The following MITF variants were observed in gnomAD, a reference collection of about 807,000 sequenced individuals.
MITF encodes microphthalmia-associated transcription factor.
Under a neutral mutation model 60.5 loss-of-function variants are expected in MITF, and 17 were observed. That is an observed-to-expected ratio of 0.28 (90% CI 0.19 to 0.42). The LOEUF is 0.42. Ranked by LOEUF, MITF falls within the 10% of genes least tolerant of loss-of-function variation. MITF has a pLI of 1.00. For synonymous variants in MITF, 260 were observed against 248.5 expected (o/e 1.05, Z -0.43); for missense variants, 622 against 683.5 (o/e 0.91, Z 1.00).
rs563717895 is a variant in MITF at position 69,898,804 on chromosome 3, G to C, written c.354+19421G>C. The stretch of plus-strand genomic sequence containing the variant: ...CAGGTTTGGGAGAGTGGAGGGGAAT[G>C]GCTGGAGCTGGTAATTTGTTGAATG... On this transcript the variant is annotated intron_variant, in intron 2 of 9. Transcript: ENST00000352241. Among the ~76,000 whole-genome samples, 4 of 152,202 alleles carry C rather than the reference G, an allele frequency of 2.6e-5. No individual in the cohort carries two copies. The South Asian group carries it at 6.2e-4, about 24-fold the overall frequency.
At chr3:69,909,715 G>A (rs1479856579) in intron 2 of MITF, among the ~76,000 whole-genome samples, 2 of 152,110 alleles carry the variant, frequency 1.3e-5, no homozygotes, top group East Asian at 3.8e-4. Context: ...AGAGATTTGT[G>A]GAACTTTGAA....
At chr3:69,860,089 T>C (rs2063986096) in intron 1 of MITF, among the ~76,000 whole-genome samples, 1 of 152,224 alleles carries the variant, frequency 6.6e-6, no homozygotes. Flanking sequence ...CCTACTCTGT[T>C]TATATTCTAG....
At chr3:69,791,237 C>T (rs1001009727) in intron 1 of MITF, among the ~76,000 whole-genome samples, 44 of 152,314 alleles carry the variant, frequency 2.9e-4, no homozygotes, top group African/African-American at 1.0e-3. Flanking sequence ...GGCGCCAGCA[C>T]TTGCAGTCCC....
intron 2 of MITF, among the ~76,000 whole-genome samples, chr3:69,906,061 A>G (rs555792607): frequency 2.6e-5 from 4 of 152,256 alleles, no homozygotes; most frequent in South Asian, 4.1e-4. Flanking sequence ...CCAAGGTCAT[A>G]AGGATTTTAC....
At chr3:69,763,216 T>C (rs914535891) in intron 1 of MITF, among the ~76,000 whole-genome samples, 3 of 152,198 alleles carry the variant, frequency 2.0e-5, no homozygotes, top group Admixed American at 6.5e-5. Context: ...TAAGTAGTAA[T>C]TGATGACATT....
chr3:69,877,887 T>C (rs2064390920), intron 1 of MITF, among the ~76,000 whole-genome samples: 2 of 152,216 alleles, frequency 1.3e-5, no homozygotes, highest in South Asian at 4.1e-4. Context: ...AGCATGACTT[T>C]CTCAAGAGTG....
At chr3:69,863,948 T>G (rs2064063419) in intron 1 of MITF, among the ~76,000 whole-genome samples, 2 of 152,196 alleles carry the variant, frequency 1.3e-5, no homozygotes, top group Admixed American at 6.5e-5. Context: ...CTTTCTTGAT[T>G]TTTCATTTGT....
chr3:69,867,256 G>A (rs962897630), intron 1 of MITF, among the ~76,000 whole-genome samples: 1 of 152,036 alleles, frequency 6.6e-6, no homozygotes, highest in Non-Finnish European at 1.5e-5. Context: ...GCTTGTGAAG[G>A]TGTGTTTAAA....
At chr3:69,835,484 A>C (rs563548350) in intron 1 of MITF, among the ~76,000 whole-genome samples, 1 of 152,046 alleles carries the variant, frequency 6.6e-6, no homozygotes, top group African/African-American at 2.4e-5. Flanking sequence ...GTTTGATGTA[A>C]TCCCATTTGT....
chr3:69,909,535 C>A (rs1427893585), intron 2 of MITF, among the ~76,000 whole-genome samples: 2 of 152,110 alleles, frequency 1.3e-5, no homozygotes, highest in East Asian at 1.9e-4. Context: ...AAGTTTGGAA[C>A]CTCCAAGACA....
intron 4 of MITF, 45 bp downstream of exon 4, chr3:69,939,226 G>T: frequency 6.5e-7 from 1 of 1,539,694 alleles, no homozygotes; most frequent in Non-Finnish European, 9.0e-7. Flanking sequence ...TTTGTAATGA[G>T]AATCTATATT....
chr3:69,903,597 C>T (rs2065037719), intron 2 of MITF, among the ~76,000 whole-genome samples: 1 of 152,098 alleles, frequency 6.6e-6, no homozygotes, highest in Non-Finnish European at 1.5e-5. Context: ...TTATGCCAAG[C>T]AACAGCCTTG....
intron 1 of MITF, among the ~76,000 whole-genome samples, chr3:69,790,541 A>G (rs555845972): frequency 1.5e-3 from 225 of 152,314 alleles, no homozygotes; most frequent in Middle Eastern, 3.4e-3. Flanking sequence ...ATCACCTGGC[A>G]CTAATTTTAC....
chr3:69,752,800 AT>A (rs1269731162), intron 1 of MITF, among the ~76,000 whole-genome samples: 3 of 152,158 alleles, frequency 2.0e-5, no homozygotes, highest in Admixed American at 1.3e-4. Context: ...AGATCTGGTC[AT>A]TTAAAAGTGT....
chr3:69,921,924 G>T (rs1446902774), intron 2 of MITF, among the ~76,000 whole-genome samples: 3 of 152,136 alleles, frequency 2.0e-5, no homozygotes, highest in Non-Finnish European at 4.4e-5. Context: ...CTGGACTCTC[G>T]CATACTGGAT....
intron 1 of MITF, among the ~76,000 whole-genome samples, chr3:69,759,882 A>T (rs1201245804): frequency 2.0e-5 from 3 of 152,002 alleles, no homozygotes. Flanking sequence ...GGTTCGTGCC[A>T]TTCTCCTGCC....
At chr3:69,872,823 T>G (rs1363864132) in intron 1 of MITF, among the ~76,000 whole-genome samples, 1 of 152,172 alleles carries the variant, frequency 6.6e-6, no homozygotes, top group Non-Finnish European at 1.5e-5. Context: ...TTAAGTTGTG[T>G]GTGATTGGTG....
intron 9 of MITF, among the ~76,000 whole-genome samples, chr3:69,960,081 G>T (rs1386624509): frequency 1.3e-5 from 2 of 152,104 alleles, no homozygotes; most frequent in Non-Finnish European, 2.9e-5. Flanking sequence ...GTGCTTCAGT[G>T]TTCACCAATT....
intron 2 of MITF, among the ~76,000 whole-genome samples, chr3:69,889,038 T>TC (rs2064696224): frequency 6.8e-6 from 1 of 146,146 alleles, no homozygotes; most frequent in Non-Finnish European, 1.5e-5. Context: ...TTTTTTTTTT[T>TC]TTTTTTTTTT....
Sources: allele counts gnomAD v4.1 joint callset (sites outside exome capture counted in the v4.1 genomes callset), GRCh38; gene constraint gnomAD v4.1.1; transcripts MANE v1.5; gene names NCBI Gene and HGNC (gene_info 2026-07-23, HGNC 2026-07-21).